The following DLG2 variants were observed in gnomAD, a reference collection of about 807,000 sequenced individuals.
DLG2 encodes discs large MAGUK scaffold protein 2.
Under a neutral mutation model 132.5 loss-of-function variants are expected in DLG2, and 45 were observed. That is an observed-to-expected ratio of 0.34 (90% CI 0.27 to 0.44). The LOEUF is 0.44. Ranked by LOEUF, DLG2 falls within the 20% of genes least tolerant of loss-of-function variation. The pLI, the probability that DLG2 is intolerant of heterozygous loss-of-function variation, is 1.00. For missense variants in DLG2, 1,045 were observed against 1,196.9 expected, an observed-to-expected ratio of 0.87 and a Z score of 1.87; for synonymous variants, 424 against 419.6, an observed-to-expected ratio of 1.01 and a Z score of -0.13.
chr11:84,934,132 T>C (rs917007348), intron 6 of DLG2, among the ~76,000 whole-genome samples: 1 of 152,184 alleles, frequency 6.6e-6, no homozygotes, highest in Non-Finnish European at 1.5e-5. Flanking sequence ...TAGATAATCA[T>C]GTGGTTTTTG....
intron 3 of DLG2, among the ~76,000 whole-genome samples, chr11:85,584,898 T>C (rs2078865598): frequency 6.6e-6 from 1 of 152,248 alleles, no homozygotes; most frequent in South Asian, 2.1e-4. Context: ...ATTTTGGATA[T>C]TAGTCCTTTG....
intron 6 of DLG2, among the ~76,000 whole-genome samples, chr11:85,080,345 G>A (rs1234495297): frequency 6.6e-6 from 1 of 152,016 alleles, no homozygotes; most frequent in Non-Finnish European, 1.5e-5. Context: ...TATAGAATTA[G>A]CAATGTTTTT....
At chr11:84,266,710 A>T (rs2097641896) in intron 7 of DLG2, among the ~76,000 whole-genome samples, 1 of 152,212 alleles carries the variant, frequency 6.6e-6, no homozygotes, top group South Asian at 2.1e-4. Flanking sequence ...GATGGTTCAA[A>T]CTATACATCC....
chr11:83,809,366 C>G (rs374723497), intron 17 of DLG2, among the ~76,000 whole-genome samples: 3 of 152,120 alleles, frequency 2.0e-5, no homozygotes, highest in Non-Finnish European at 1.5e-5. Flanking sequence ...ATACATAATG[C>G]TCTGTGACTC....
chr11:84,096,387 T>G (rs184047623), intron 10 of DLG2, among the ~76,000 whole-genome samples: 10 of 152,360 alleles, frequency 6.6e-5, no homozygotes, highest in African/African-American at 2.4e-4. Flanking sequence ...GAATGAAGTT[T>G]CTAGCACAGC....
intron 2 of DLG2, among the ~76,000 whole-genome samples, chr11:85,599,208 A>C (rs2079983343): frequency 6.6e-6 from 1 of 152,008 alleles, no homozygotes; most frequent in South Asian, 2.1e-4. Flanking sequence ...ACACTCTCCA[A>C]ACACACATAC....
chr11:84,181,606 G>A (rs2096129968), intron 8 of DLG2, among the ~76,000 whole-genome samples: 1 of 151,986 alleles, frequency 6.6e-6, no homozygotes, highest in Admixed American at 6.6e-5. Flanking sequence ...TAAAAAGCAA[G>A]ACATGACTGT....
chr11:83,581,351 T>G (rs513020), intron 19 of DLG2, among the ~76,000 whole-genome samples: 75,788 of 151,932 alleles, frequency 0.5, 19,885 homozygotes, highest in African/African-American at 0.65. Context: ...CTCTGGAAAG[T>G]CTCAGATTCA....
chr11:85,598,022 T>C (rs1006824997), intron 3 of DLG2, among the ~76,000 whole-genome samples: 1 of 151,756 alleles, frequency 6.6e-6, no homozygotes, highest in Non-Finnish European at 1.5e-5. Context: ...AAAAAATATA[T>C]AAATAAACCA....
intron 12 of DLG2, among the ~76,000 whole-genome samples, chr11:83,979,527 G>T (rs1197827030): frequency 6.6e-6 from 1 of 152,154 alleles, no homozygotes; most frequent in Admixed American, 6.6e-5. Flanking sequence ...AGTCCCAAAT[G>T]CTTTGTTGCT....
intron 6 of DLG2, among the ~76,000 whole-genome samples, chr11:85,032,042 A>G (rs2061049058): frequency 7.2e-6 from 1 of 138,542 alleles, no homozygotes; most frequent in Non-Finnish European, 1.5e-5. Flanking sequence ...ACCTAAAGTG[A>G]TCTGCCCACC....
In DLG2 at chr11:84,313,753, T is replaced by C. The variant is rs572078577; in HGVS notation, c.520-62462A>G. On this transcript the variant is annotated intron_variant, in intron 7 of 27. Coordinates refer to ENST00000376104, the MANE Select transcript of DLG2 (RefSeq NM_001142699.3). Reference sequence around the variant, plus strand: ...AATGCACAAAACTCTGGTCTCTGAGTCTCCACTGTTCTGTGCTGCTTCCCT... The same window carrying C: ...AATGCACAAAACTCTGGTCTCTGAGCCTCCACTGTTCTGTGCTGCTTCCCT... Among the ~76,000 whole-genome samples the C allele has an allele frequency of 7.9e-5, 12 of 151,874 alleles. 1 individual carries two copies. The South Asian group carries it at 2.5e-3, about 32-fold the overall frequency.
At chr11:84,310,876 G>A (rs1226822297) in intron 7 of DLG2, among the ~76,000 whole-genome samples, 1 of 152,144 alleles carries the variant, frequency 6.6e-6, no homozygotes, top group East Asian at 1.9e-4. Context: ...GCTGCAAACT[G>A]CTGGTTCTGG....
intron 21 of DLG2, among the ~76,000 whole-genome samples, chr11:83,484,745 G>GTCTT (rs1318067540): frequency 1.4e-5 from 2 of 146,864 alleles, no homozygotes; most frequent in African/African-American, 5.0e-5. Flanking sequence ...GTGTCTTGAT[G>GTCTT]TCTTTTAAAA....
At chr11:84,644,230 G>A (rs1430455864) in intron 6 of DLG2, among the ~76,000 whole-genome samples, 2 of 152,138 alleles carry the variant, frequency 1.3e-5, no homozygotes, top group African/African-American at 4.8e-5. Flanking sequence ...CACATGGAAT[G>A]ATCCTCAACC....
rs533190665 is a variant in DLG2 at position 85,271,445 on chromosome 11, G to A, written c.186+13775C>T. On this transcript the variant is annotated intron_variant, in intron 4 of 27. Transcript: ENST00000376104. ...GGTGCCCCCACACAGAGTCCCCACT[G>A]GGGTGCTGTCTAGTGGAGCTGTGAG... Among the ~76,000 whole-genome samples the A allele has an allele frequency of 9.8e-5, 15 of 152,352 alleles. 1 individual carries two copies. The South Asian group carries it at 3.1e-3, about 32-fold the overall frequency.
rs529722335 is a variant in DLG2, at chr11:85,531,126, T to C, written c.40+67531A>G. 2.6e-5 allele frequency among the ~76,000 whole-genome samples: 4 copies of C among 152,366 alleles called. No individual in the cohort carries two copies. The East Asian group carries it at 7.7e-4, about 29-fold the overall frequency. ...CTTTCCTTACTGGTCATTAAAAGTA[T>C]TTATAACAACTAATTCAATTATTTT... On this transcript the variant is annotated intron_variant, in intron 3 of 27. Coordinates refer to ENST00000376104, the MANE Select transcript of DLG2 (RefSeq NM_001142699.3).
intron 7 of DLG2, among the ~76,000 whole-genome samples, chr11:84,360,204 T>C (rs2098641615): frequency 6.6e-6 from 1 of 151,838 alleles, no homozygotes; most frequent in Non-Finnish European, 1.5e-5. Flanking sequence ...AGCCACATTA[T>C]CTCAATTTTT....
At chr11:85,480,980 G>T (rs990183043) in intron 3 of DLG2, among the ~76,000 whole-genome samples, 9 of 152,192 alleles carry the variant, frequency 5.9e-5, no homozygotes, top group African/African-American at 2.2e-4. Flanking sequence ...ATGAAATCCT[G>T]GTTTTGCCTC....
Sources: allele counts gnomAD v4.1 joint callset (sites outside exome capture counted in the v4.1 genomes callset), GRCh38; gene constraint gnomAD v4.1.1; transcripts MANE v1.5; gene names NCBI Gene and HGNC (gene_info 2026-07-23, HGNC 2026-07-21).